The following WNK3 variants were observed in gnomAD, a reference collection of about 807,000 sequenced individuals.
WNK3 encodes the protein WNK lysine deficient protein kinase 3.
In WNK3, 18 loss-of-function variants were observed where a neutral mutation model predicts 116.7. The observed-to-expected ratio is 0.15, with a 90% CI of 0.11 to 0.23. The LOEUF (loss-of-function observed/expected upper bound fraction) is 0.23, where lower values mean the gene tolerates loss of function less well. Ranked by LOEUF, WNK3 falls within the 10% of genes least tolerant of loss-of-function variation. The probability of loss-of-function intolerance (pLI) is 1.00; values close to 1 mark genes in which losing one functional copy is unlikely to be tolerated. For missense variants in WNK3, 993 were observed against 1,323.8 expected (o/e 0.75, Z 3.88); for synonymous variants, 404 against 469.4 (o/e 0.86, Z 1.80).
intron 11 of WNK3, among the ~76,000 whole-genome samples, chrX:54,257,258 C>T (rs111960849): frequency 0.013 from 1,387 of 110,370 alleles, 20 homozygotes; most frequent in African/African-American, 0.044. Context: ...TCCCCAGTGC[C>T]GCTGGTAGGA....
chrX:54,317,379 C>T (rs1236213396), intron 2 of WNK3, among the ~76,000 whole-genome samples: 3 of 110,158 alleles, frequency 2.7e-5, no homozygotes, highest in East Asian at 2.9e-4. Context: ...AGGCTGGTCT[C>T]GAACTCTTGA....
At chrX:54,223,028 AG>A (rs1352117299) in intron 22 of WNK3, among the ~76,000 whole-genome samples, 8 of 105,752 alleles carry the variant, frequency 7.6e-5, no homozygotes, top group Non-Finnish European at 1.4e-4. Flanking sequence ...TCAGAGGATG[AG>A]GAAAAAAAGA....
intron 1 of WNK3, among the ~76,000 whole-genome samples, chrX:54,339,051 TC>T (rs1250674650): frequency 9.2e-6 from 1 of 108,797 alleles, no homozygotes; most frequent in East Asian, 2.9e-4. Context: ...AAAGAAATCT[TC>T]CCTCAGTCTT....
At chrX:54,274,503 C>T (rs1337142795) in intron 10 of WNK3, among the ~76,000 whole-genome samples, 1 of 111,917 alleles carries the variant, frequency 8.9e-6, no homozygotes, top group African/African-American at 3.2e-5. Flanking sequence ...AATGTCATCT[C>T]CTCTCATCTT....
chrX:54,290,988 G>A (rs2147101960), intron 10 of WNK3, among the ~76,000 whole-genome samples: 1 of 111,692 alleles, frequency 9.0e-6, no homozygotes, highest in African/African-American at 3.2e-5. Flanking sequence ...CAGAAAAAAA[G>A]ATAAATCTAA....
At chrX:54,303,312 A>G (rs782174516) in intron 5 of WNK3, among the ~76,000 whole-genome samples, 38 of 111,060 alleles carry the variant, frequency 3.4e-4, no homozygotes, top group Non-Finnish European at 6.8e-4. Flanking sequence ...GACAATTCAA[A>G]ATGTTTCTAT....
At chrX:54,286,816 G>C (rs1339853892) in intron 10 of WNK3, among the ~76,000 whole-genome samples, 1 of 108,090 alleles carries the variant, frequency 9.3e-6, no homozygotes, top group Non-Finnish European at 1.9e-5. Flanking sequence ...AGGAGGTTGA[G>C]GCAGGAGAAT....
chrX:54,294,144 T>G (rs1262236248), intron 8 of WNK3, among the ~76,000 whole-genome samples: 5 of 110,935 alleles, frequency 4.5e-5, no homozygotes, highest in African/African-American at 1.6e-4. Context: ...ATCACACCAC[T>G]GCACTCCAGC....
intron 10 of WNK3, among the ~76,000 whole-genome samples, chrX:54,280,475 C>A (rs2068503930): frequency 9.0e-6 from 1 of 111,149 alleles, no homozygotes; most frequent in Non-Finnish European, 1.9e-5. Flanking sequence ...TATTTGTATG[C>A]CTTAGCAATT....
intron 5 of WNK3, among the ~76,000 whole-genome samples, chrX:54,302,503 G>A (rs974367340): frequency 7.4e-5 from 8 of 108,741 alleles, no homozygotes; most frequent in Non-Finnish European, 1.9e-5. Context: ...GTTTCACCAT[G>A]TTGGCCTGAC....
At chrX:54,335,620 T>G (rs1410561533) in intron 1 of WNK3, among the ~76,000 whole-genome samples, 5 of 487 alleles carry the variant, frequency 0.01, no homozygotes, top group Non-Finnish European at 0.045. Context: ...CACAGAAATA[T>G]CAATTTGAGA....
Position 54,251,515 on chromosome X carries a change from T to C in WNK3, c.2523+17A>G, listed in dbSNP as rs367915544. The C allele has an allele frequency of 1.0e-5, 12 of 1,205,339 alleles. No homozygotes were observed. The African/African-American group carries it at 1.6e-4, about 16-fold the overall frequency. On this transcript the variant is annotated intron_variant, in intron 14 of 23. Transcript: ENST00000354646. ...TTCATATCTGAGAAGATCTGTTTGC[T>C]AAACAATTGTTCTCACCTGGCTACT...
chrX:54,251,445 C>A (rs782699591), exon 15 of WNK3: 2 of 1,185,045 alleles, frequency 1.7e-6, no homozygotes, highest in South Asian at 3.7e-5. Flanking sequence ...GTTCAGATGA[C>A]CCTGTCTGAA....
At chrX:54,355,343 T>G (rs1289224934) in intron 1 of WNK3, among the ~76,000 whole-genome samples, 5 of 111,518 alleles carry the variant, frequency 4.5e-5, no homozygotes, top group Non-Finnish European at 9.4e-5. Context: ...AGGGCATGTC[T>G]TGTTTTTCTG....
At chrX:54,291,719 T>C (rs1294960909) in intron 10 of WNK3, among the ~76,000 whole-genome samples, 2 of 112,177 alleles carry the variant, frequency 1.8e-5, no homozygotes, top group African/African-American at 6.5e-5. Flanking sequence ...GTCAAGTACA[T>C]ACATGCTTTC....
At chrX:54,238,372 C>T in exon 19 of WNK3, 1 of 1,210,067 alleles carries the variant, frequency 8.3e-7, no homozygotes, top group Non-Finnish European at 1.1e-6. Context: ...ATGATCCACT[C>T]ATCGCTTTAC....
At chrX:54,316,749 C>T (rs1264578846) in intron 2 of WNK3, among the ~76,000 whole-genome samples, 1 of 109,722 alleles carries the variant, frequency 9.1e-6, no homozygotes. Flanking sequence ...CACTTCACAC[C>T]CATTAGGATG....
chrX:54,222,269 G>C (rs1375298885), intron 22 of WNK3, among the ~76,000 whole-genome samples: 1 of 111,151 alleles, frequency 9.0e-6, no homozygotes, highest in Non-Finnish European at 1.9e-5. Context: ...GAATAATATA[G>C]GGCCAGGTAC....
chrX:54,198,418 T>A, exon 24 of WNK3: 3 of 1,211,186 alleles, frequency 2.5e-6, no homozygotes, highest in Non-Finnish European at 3.4e-6. Flanking sequence ...TCCCCCAGAT[T>A]GGGCGGGAAT....
Sources: allele counts gnomAD v4.1 joint callset (sites outside exome capture counted in the v4.1 genomes callset), GRCh38; gene constraint gnomAD v4.1.1; transcripts MANE v1.5; gene names NCBI Gene and HGNC (gene_info 2026-07-23, HGNC 2026-07-21).